DMXL1: variants seen among roughly 807,000 people sequenced by gnomAD.
The protein encoded by DMXL1 is dmX-like protein 1.
DMXL1 carries 99 observed loss-of-function variants against 319.2 expected under a neutral mutation model. That is an observed-to-expected ratio of 0.31 (90% CI 0.26 to 0.37). The LOEUF (loss-of-function observed/expected upper bound fraction) is 0.37, where lower values mean the gene tolerates loss of function less well. DMXL1 is among the 10% of genes least tolerant of loss of function. The pLI is 1.00. For missense variants in DMXL1, 3,745 were observed against 3,595.6 expected, an observed-to-expected ratio of 1.04 and a Z score of -1.06; for synonymous variants, 1,385 against 1,235.2, an observed-to-expected ratio of 1.12 and a Z score of -2.54.
chr5:119,124,276 C>T (rs1267142521), intron 9 of DMXL1, among the ~76,000 whole-genome samples: 1 of 150,344 alleles, frequency 6.7e-6, no homozygotes, highest in Non-Finnish European at 1.5e-5. Context: ...GATTACACTA[C>T]TGCACTCCAG....
At position 119,207,252 on chromosome 5, in the gene DMXL1, TTAA is replaced by T. The variant is rs776158908; in HGVS notation, c.7926+358_7926+360del. On this transcript the variant is annotated intron_variant, in intron 34 of 43. Coordinates refer to ENST00000539542, the MANE Select transcript of DMXL1 (RefSeq NM_001290321.3). ...CTGAAGTTAAAATTCAAATTAGGAA[TTAA>T]TGATACTAAAATTAGGAATTAATGA... Among the ~76,000 whole-genome samples, 12 of 152,094 alleles carry T rather than the reference TTAA, an allele frequency of 7.9e-5. No homozygotes were observed. The East Asian group carries it at 1.3e-3, about 17-fold the overall frequency.
At position 119,214,362 on chromosome 5, in the gene DMXL1, A is replaced by G. The variant is rs1783313998; in HGVS notation, c.7927-2539A>G. On this transcript the variant is annotated intron_variant, in intron 34 of 43. Coordinates refer to ENST00000539542, the MANE Select transcript of DMXL1 (RefSeq NM_001290321.3). ...CTAATCCAACCCACTATGATCTCTC[A>G]CTTCAGCTACTGTAGTCGCCTTTTA... is the stretch of plus-strand genomic sequence containing the variant. Among the ~76,000 whole-genome samples the G allele has an allele frequency of 2.6e-5, 4 of 152,196 alleles. No homozygotes were observed. The South Asian group carries it at 8.3e-4, about 32-fold the overall frequency.
chr5:119,208,840 T>A (rs796506921), intron 34 of DMXL1, among the ~76,000 whole-genome samples: 15 of 152,206 alleles, frequency 9.9e-5, no homozygotes, highest in African/African-American at 3.6e-4. Context: ...CAGAATTTAA[T>A]CCCTCCATTT....
chr5:119,240,346 A>C, intron 41 of DMXL1, 73 bp from the exon 42 acceptor site: 1 of 1,064,952 alleles, frequency 9.4e-7, no homozygotes, highest in Non-Finnish European at 1.4e-6. Context: ...TAAAGGTCAC[A>C]CAGTTATATA....
chr5:119,173,808 A>G (rs1775236705), intron 25 of DMXL1, among the ~76,000 whole-genome samples: 1 of 135,350 alleles, frequency 7.4e-6, no homozygotes, highest in Non-Finnish European at 1.6e-5. Flanking sequence ...AATGAGAGAG[A>G]GATTTATTAT....
intron 15 of DMXL1, among the ~76,000 whole-genome samples, chr5:119,146,563 A>C (rs527962021): frequency 6.6e-6 from 1 of 151,990 alleles, no homozygotes; most frequent in Non-Finnish European, 1.5e-5. Context: ...CCTACTTCTT[A>C]TGGTTTAATC....
intron 15 of DMXL1, among the ~76,000 whole-genome samples, chr5:119,145,716 T>A (rs1470266205): frequency 2.0e-5 from 3 of 151,796 alleles, no homozygotes. Context: ...TTTAATGTAT[T>A]TTAATTCTCT....
chr5:119,208,058 T>C (rs1402385523), intron 34 of DMXL1, among the ~76,000 whole-genome samples: 2 of 152,158 alleles, frequency 1.3e-5, no homozygotes, highest in Non-Finnish European at 1.5e-5. Context: ...ACTAAAACTT[T>C]TGCAAAATAA....
chr5:119,164,924 A>G (rs746164850), intron 20 of DMXL1, among the ~76,000 whole-genome samples: 7 of 152,150 alleles, frequency 4.6e-5, no homozygotes, highest in Admixed American at 1.3e-4. Context: ...AAAATAATAT[A>G]TATGTTTAGA....
intron 7 of DMXL1, among the ~76,000 whole-genome samples, chr5:119,116,873 C>T (rs1193599947): frequency 6.6e-6 from 1 of 152,118 alleles, no homozygotes; most frequent in East Asian, 1.9e-4. Flanking sequence ...ACCACAAAAG[C>T]ACACAGTGAC....
intron 6 of DMXL1, 31 bp downstream of exon 6, chr5:119,114,572 T>A: frequency 6.7e-7 from 1 of 1,484,426 alleles, no homozygotes; most frequent in Non-Finnish European, 9.3e-7. Context: ...TGCCAAATTA[T>A]GTGTTTATAG....
intron 32 of DMXL1, among the ~76,000 whole-genome samples, chr5:119,202,917 T>C (rs112248515): frequency 7.2e-6 from 1 of 139,128 alleles, no homozygotes; most frequent in Non-Finnish European, 1.5e-5. Flanking sequence ...TTATATATTT[T>C]TATATATATA....
intron 3 of DMXL1, chr5:119,104,348 G>A (rs962720342): frequency 5.3e-5 from 8 of 152,334 alleles, no homozygotes; most frequent in African/African-American, 1.9e-4. Context: ...GGTCACCTAT[G>A]TCAAAATCAC....
intron 9 of DMXL1, among the ~76,000 whole-genome samples, chr5:119,127,512 C>G (rs1047750266): frequency 2.0e-5 from 3 of 152,316 alleles, no homozygotes; most frequent in Non-Finnish European, 4.4e-5. Flanking sequence ...ACCGATAGCT[C>G]ACTGCAACTT....
In DMXL1 at chr5:119,078,968, C is replaced by T. The variant is rs367669510; in HGVS notation, c.87+7312C>T. Among the ~76,000 whole-genome samples the T allele has an allele frequency of 4.5e-4, 68 of 152,150 alleles. 3 individuals are homozygous for T. In the South Asian group the frequency reaches 0.013, roughly 29 times the overall value. On this transcript the variant is annotated intron_variant, in intron 1 of 43. Transcript: ENST00000539542. Reference sequence around the variant, plus strand: ...TAACTGTCTGGACCCTTTTTGTTTGCGCCAGTCTGATGAAATTCCACACAC... The same window carrying T: ...TAACTGTCTGGACCCTTTTTGTTTGTGCCAGTCTGATGAAATTCCACACAC...
chr5:119,081,996 G>GTT (rs1491520783), intron 1 of DMXL1, among the ~76,000 whole-genome samples: 109 of 54,998 alleles, frequency 2.0e-3, no homozygotes, highest in East Asian at 5.9e-3. Flanking sequence ...TTTTCTTAAG[G>GTT]TTATATATAT....
At chr5:119,230,883 A>G (rs1786581551) in intron 38 of DMXL1, among the ~76,000 whole-genome samples, 1 of 151,786 alleles carries the variant, frequency 6.6e-6, no homozygotes, top group Non-Finnish European at 1.5e-5. Flanking sequence ...CTCCGTCTCA[A>G]AATAAATAAA....
In DMXL1 at chr5:119,133,606, A is replaced by G. The variant is rs780502662; in HGVS notation, c.1682A>G (p.Gln561Arg). ...CTKNVDLAIQQGKQKPSGLTR... is the reference protein window; with the variant it reads ...CTKNVDLAIQRGKQKPSGLTR... ...AAGAATGTTGACTTGGCTATTCAGC[A>G]GGGGAAACAAAAACCTTCTGGCCTC... Residue 561 changes from glutamine (Q) to arginine (R), a missense_variant, in exon 12 of 44, where the codon CAG becomes CGG. Transcript: ENST00000539542. 3 of 1,614,114 alleles carry G rather than the reference A, an allele frequency of 1.9e-6. No individual in the cohort carries two copies. Among genetic ancestry groups the G allele is most frequent in the Non-Finnish European group, 2.5e-6 (3 of 1,180,050 alleles).
intron 9 of DMXL1, among the ~76,000 whole-genome samples, chr5:119,123,597 A>G (rs1445552328): frequency 2.0e-5 from 3 of 152,158 alleles, no homozygotes; most frequent in Non-Finnish European, 4.4e-5. Flanking sequence ...TAGTTTATTC[A>G]AAAATTGATA....
Sources: gnomAD v4.1 joint callset for allele counts (sites outside exome capture counted in the v4.1 genomes callset) on GRCh38, gnomAD v4.1.1 for gene constraint, MANE v1.5 for transcripts, NCBI Gene and HGNC (gene_info 2026-07-23, HGNC 2026-07-21) for gene names.